Variants in NMD3 observed in about 807,000 individuals in gnomAD.
The protein encoded by NMD3 is 60S ribosomal export protein NMD3.
In NMD3, 47 loss-of-function variants were observed where a neutral mutation model predicts 73.1. The ratio of observed to expected loss-of-function variants is 0.64; its 90% CI spans 0.51 to 0.82. The LOEUF is 0.82. Ranked by LOEUF, NMD3 falls within the 40% of genes least tolerant of loss-of-function variation. The probability of loss-of-function intolerance (pLI) is 0.00; values close to 1 mark genes in which losing one functional copy is unlikely to be tolerated. For synonymous variants in NMD3, 210 were observed against 194.5 expected (o/e 1.08, Z -0.66); for missense variants, 554 against 612.5 (o/e 0.90, Z 1.01).
chr3:161,249,825 T>G (rs1737407904), intron 14 of NMD3: 1 of 474,206 alleles, frequency 2.1e-6, no homozygotes, highest in Non-Finnish European at 3.8e-6. Flanking sequence ...ATAATCATAC[T>G]TTGCTTAACA....
At chr3:161,222,348 CT>C (rs1280992319) in intron 2 of NMD3, among the ~76,000 whole-genome samples, 1 of 151,568 alleles carries the variant, frequency 6.6e-6, no homozygotes, top group African/African-American at 2.4e-5. Context: ...TTACTTTTTA[CT>C]TACTTTTTTT....
chr3:161,248,364 C>T (rs1199558871), intron 13 of NMD3, among the ~76,000 whole-genome samples: 1 of 151,892 alleles, frequency 6.6e-6, no homozygotes, highest in Non-Finnish European at 1.5e-5. Context: ...GTGGCATGCA[C>T]CTGTAGTCCC....
At chr3:161,243,413 G>C (rs911791250) in intron 11 of NMD3, among the ~76,000 whole-genome samples, 1 of 152,118 alleles carries the variant, frequency 6.6e-6, no homozygotes, top group African/African-American at 2.4e-5. Context: ...CTATGGATAA[G>C]GGGGGGATTA....
chr3:161,237,409 A>G (rs1326604397), intron 7 of NMD3, among the ~76,000 whole-genome samples: 2 of 151,952 alleles, frequency 1.3e-5, no homozygotes, highest in African/African-American at 4.8e-5. Flanking sequence ...AGTCCTTCAC[A>G]ATGATTGTAT....
intron 4 of NMD3, among the ~76,000 whole-genome samples, chr3:161,232,758 G>C (rs1255167202): frequency 6.6e-6 from 1 of 152,026 alleles, no homozygotes; most frequent in Non-Finnish European, 1.5e-5. Flanking sequence ...TCTCAGTTCA[G>C]ATCATCTACA....
At position 161,234,741 on chromosome 3, in the gene NMD3, T is replaced by C. The variant is rs749532388; in HGVS notation, c.372T>C (p.Ala124=). ...LTIQKEVMNG[A]ILQQVFVVDY... is the part of the protein sequence containing the mutation. ...TGTTTTATCAGGTGATGAATGGTGCTATCCTTCAACAAGTGTTTGTGGTGG... is the reference window on the plus strand; with the variant it reads ...TGTTTTATCAGGTGATGAATGGTGCCATCCTTCAACAAGTGTTTGTGGTGG... Residue 124 remains alanine, a synonymous_variant, in exon 6 of 16, where the codon GCT becomes GCC. Coordinates refer to ENST00000351193, the MANE Select transcript of NMD3 (RefSeq NM_015938.5). 9.3e-6 allele frequency: 15 copies of C among 1,612,310 alleles called. No homozygotes were observed. The highest frequency in any genetic ancestry group is 1.2e-5 in the Non-Finnish European group (14 of 1,178,958).
intron 15 of NMD3, 147 bp downstream of exon 15, chr3:161,250,473 T>C: frequency 3.4e-6 from 2 of 587,988 alleles, no homozygotes; most frequent in Non-Finnish European, 5.9e-6. Flanking sequence ...CAAAAAAACT[T>C]GCAAAACAAT....
At chr3:161,233,207 G>C (rs576133228) in intron 4 of NMD3, among the ~76,000 whole-genome samples, 192 bp from the exon 5 acceptor site, 4 of 151,626 alleles carry the variant, frequency 2.6e-5, no homozygotes, top group African/African-American at 9.7e-5. Flanking sequence ...ATAGTCATTG[G>C]GTTGTCCTTT....
intron 9 of NMD3, among the ~76,000 whole-genome samples, chr3:161,239,807 C>T (rs1048301397): frequency 6.6e-6 from 1 of 152,110 alleles, no homozygotes; most frequent in Non-Finnish European, 1.5e-5. Context: ...ACTTTCAGGT[C>T]GTATAATCTC....
At chr3:161,236,786 A>G (rs911422663) in intron 7 of NMD3, among the ~76,000 whole-genome samples, 5 of 152,148 alleles carry the variant, frequency 3.3e-5, no homozygotes, top group Admixed American at 3.3e-4. Context: ...CTATGTGGAT[A>G]TTCTTCATCC....
At chr3:161,234,690 A>G (rs763974731) in intron 5 of NMD3, 37 bp from the exon 6 acceptor site, 2 of 1,552,538 alleles carry the variant, frequency 1.3e-6, no homozygotes, top group Non-Finnish European at 1.7e-6. Context: ...TTATTAAACA[A>G]AACCAAAAGA....
intron 11 of NMD3, among the ~76,000 whole-genome samples, chr3:161,243,459 CT>C (rs1297687374): frequency 1.3e-5 from 2 of 152,068 alleles, no homozygotes; most frequent in East Asian, 3.9e-4. Flanking sequence ...CCAAAAGTGT[CT>C]TTTATGCCTT....
At chr3:161,240,174 A>G (rs1452942659) in intron 9 of NMD3, among the ~76,000 whole-genome samples, 1 of 152,224 alleles carries the variant, frequency 6.6e-6, no homozygotes, top group African/African-American at 2.4e-5. Flanking sequence ...TTGTGAATAG[A>G]TACACCTTAA....
chr3:161,242,491 T>C lies in NMD3; in HGVS notation c.872-17T>C. ...TATAATTTTTCTTATGTTTTTGTGT[T>C]CTATCCTTATTTTTAGTGGCAGATA... On this transcript the variant is annotated splice_polypyrimidine_tract_variant and intron_variant, in intron 10 of 15. Coordinates refer to ENST00000351193, the MANE Select transcript of NMD3 (RefSeq NM_015938.5). 1 of 1,607,394 alleles carries C rather than the reference T, an allele frequency of 6.2e-7. No individual in the cohort carries two copies. Among genetic ancestry groups the C allele is most frequent in the Non-Finnish European group, 8.5e-7 (1 of 1,175,254 alleles).
At position 161,250,147 on chromosome 3, in the gene NMD3, G is replaced by A. The variant is rs532685890; in HGVS notation, c.1311-109G>A. The A allele has an allele frequency of 5.8e-4, 350 of 602,788 alleles. 1 individual carries two copies. Among genetic ancestry groups the A allele is most frequent in the South Asian group, 1.2e-3 (53 of 43,882 alleles). The allele number at this position is 602,788 out of a possible 1,614,324, so 37.3% of individuals were successfully genotyped here. A position where few individuals can be genotyped will look rare whatever the true frequency, so the allele number is the denominator to read the frequency against. On this transcript the variant is annotated intron_variant, in intron 14 of 15. Transcript: ENST00000351193. ...TTTATATAAAATTGTTTCATGAAATGTGAGTTGGAAACAGCAGTATGTCTA... is the reference window on the plus strand; with the variant it reads ...TTTATATAAAATTGTTTCATGAAATATGAGTTGGAAACAGCAGTATGTCTA...
chr3:161,230,284 G>A (rs1736482532), intron 4 of NMD3, among the ~76,000 whole-genome samples: 1 of 151,924 alleles, frequency 6.6e-6, no homozygotes, highest in Admixed American at 6.6e-5. Context: ...TTTACTAGAG[G>A]TGAGATCTCT....
chr3:161,223,406 T>C (rs1260442190), intron 2 of NMD3, among the ~76,000 whole-genome samples: 1 of 152,146 alleles, frequency 6.6e-6, no homozygotes, highest in Non-Finnish European at 1.5e-5. Context: ...CCGTCATTTA[T>C]ACTGAGTCTC....
In NMD3 at chr3:161,251,505, TTTATTGCAGTA is replaced by T. The variant is rs932483287; in HGVS notation, c.*596_*606del. On this transcript the variant is annotated 3_prime_UTR_variant, in exon 16 of 16. Transcript: ENST00000351193. ...CGTTAAACAGAGAGTTATCTTAATT[TTTATTGCAGTA>T]GGAGGAAATATATTTAAAATATTTG... 2 of 152,156 alleles carry T rather than the reference TTTATTGCAGTA, an allele frequency of 1.3e-5. No individual in the cohort carries two copies. The highest frequency in any genetic ancestry group is 1.3e-4 in the Admixed American group (2 of 15,264). The allele number at this position is 152,156 out of a possible 1,614,324, so 9.4% of individuals were successfully genotyped here.
At chr3:161,241,231 T>C in intron 10 of NMD3, 68 bp downstream of exon 10, 1 of 958,064 alleles carries the variant, frequency 1.0e-6, no homozygotes, top group Non-Finnish European at 1.7e-6. Context: ...ATTTGTGTTG[T>C]TAATTTTTCA....
Sources: allele counts gnomAD v4.1 joint callset (sites outside exome capture counted in the v4.1 genomes callset), GRCh38; gene constraint gnomAD v4.1.1; transcripts MANE v1.5; gene names NCBI Gene and HGNC (gene_info 2026-07-23, HGNC 2026-07-21).